NFIB: variants seen among roughly 807,000 people sequenced by gnomAD.
The protein encoded by NFIB is nuclear factor 1 B-type.
In NFIB, 11 loss-of-function variants were observed where a neutral mutation model predicts 61.5. The observed-to-expected ratio is 0.18, with a 90% confidence interval of 0.11 to 0.30. The LOEUF (loss-of-function observed/expected upper bound fraction) is 0.30. Among genes scored for constraint, NFIB ranks in the 10% least tolerant of loss-of-function variants. The pLI, the probability that NFIB is intolerant of heterozygous loss-of-function variation, is 1.00. For missense variants in NFIB, 471 were observed against 608.9 expected, an observed-to-expected ratio of 0.77 and a Z score of 2.38; for synonymous variants, 260 against 216.5, an observed-to-expected ratio of 1.20 and a Z score of -1.76.
In NFIB at chr9:14,397,580, C is replaced by G. The variant is rs369997498; in HGVS notation, c.108+944G>C. Among the ~76,000 whole-genome samples the G allele has an allele frequency of 7.9e-5, 12 of 152,292 alleles. No individual in the cohort carries two copies. The South Asian group carries it at 2.1e-3, about 26-fold the overall frequency. On this transcript the variant is annotated intron_variant, in intron 1 of 8. Transcript: ENST00000380934. Reference sequence around the variant, plus strand: ...TCACAAGTCTTTATCTGGCCCAAAACTAAGGACCCAGGGTCATTTTAAGAA... The same window carrying G: ...TCACAAGTCTTTATCTGGCCCAAAAGTAAGGACCCAGGGTCATTTTAAGAA...
At chr9:14,179,667 C>G (rs1431799671) in intron 3 of NFIB, 60 bp downstream of exon 3, 1 of 1,580,390 alleles carries the variant, frequency 6.3e-7, no homozygotes, top group Non-Finnish European at 8.7e-7. Flanking sequence ...TTTATCTATA[C>G]AGTGGTACCT....
At chr9:14,203,651 G>C (rs1040005779) in intron 2 of NFIB, among the ~76,000 whole-genome samples, 5 of 152,162 alleles carry the variant, frequency 3.3e-5, no homozygotes, top group African/African-American at 1.2e-4. Context: ...GCCTCACCAA[G>C]GGCAAAGGCC....
the NFIB span, among the ~76,000 whole-genome samples, chr9:14,424,182 G>A: frequency 6.6e-6 from 1 of 152,134 alleles, no homozygotes; most frequent in Admixed American, 6.5e-5. Flanking sequence ...TAAAGAAGGG[G>A]CCTAGATGGG....
intron 3 of NFIB, 49 bp downstream of exon 3, chr9:14,179,678 T>C (rs772115888): frequency 3.7e-6 from 6 of 1,603,364 alleles, no homozygotes; most frequent in African/African-American, 1.3e-5. Context: ...AGTGGTACCT[T>C]TGTTCTCCAA....
rs2307079 is a variant in NFIB at position 14,120,804 on chromosome 9, G to A, written c.1061-180C>T. On this transcript the variant is annotated intron_variant, in intron 7 of 10. Coordinates refer to ENST00000380953, the MANE Select transcript of NFIB (RefSeq NM_001190737.2). The surrounding 1 kb of genome is among the most constrained non-coding windows in gnomAD (Gnocchi z 4.4). ...TCATTTTTATTCTCAACACCAGTACGGCTAACTACACAGAGATAAAACATC... is the reference window on the plus strand; with the variant it reads ...TCATTTTTATTCTCAACACCAGTACAGCTAACTACACAGAGATAAAACATC... Among the ~76,000 whole-genome samples, 1 of 151,768 alleles carries A rather than the reference G, an allele frequency of 6.6e-6. No individual in the cohort carries two copies. The highest frequency in any genetic ancestry group is 1.5e-5 in the Non-Finnish European group (1 of 67,970).
intron 1 of NFIB, among the ~76,000 whole-genome samples, chr9:14,311,394 C>T (rs1183382579): frequency 2.0e-5 from 3 of 152,140 alleles, no homozygotes; most frequent in African/African-American, 7.2e-5. Context: ...TGTGGCCTCA[C>T]TTTTATAACA....
upstream of NFIB, among the ~76,000 whole-genome samples, chr9:14,317,820 C>A (rs911261874): frequency 6.6e-6 from 1 of 152,186 alleles, no homozygotes; most frequent in Non-Finnish European, 1.5e-5. Context: ...TTGTCCACCA[C>A]CTTTGGTTTG....
intron 2 of NFIB, among the ~76,000 whole-genome samples, chr9:14,212,359 T>G (rs573136163): frequency 1.3e-5 from 2 of 152,228 alleles, no homozygotes; most frequent in Non-Finnish European, 2.9e-5. Flanking sequence ...ATACAAATGA[T>G]TATATACTCA....
intron 1 of NFIB, among the ~76,000 whole-genome samples, chr9:14,374,809 C>T (rs1254303836): frequency 6.6e-6 from 1 of 152,172 alleles, no homozygotes; most frequent in Middle Eastern, 3.4e-3. Flanking sequence ...ACTCAGGAAG[C>T]TGAGGCAGGA....
intron 6 of NFIB, among the ~76,000 whole-genome samples, chr9:14,130,917 G>C (rs1256800284): frequency 6.6e-6 from 1 of 152,162 alleles, no homozygotes; most frequent in African/African-American, 2.4e-5. Context: ...CAATCACTGA[G>C]ATTCTAGTAA....
intron 2 of NFIB, among the ~76,000 whole-genome samples, chr9:14,249,371 A>G (rs570892963): frequency 6.6e-6 from 1 of 152,330 alleles, no homozygotes; most frequent in African/African-American, 2.4e-5. Context: ...ACCAAGAAAT[A>G]GTATTACTCG....
chr9:14,295,351 C>T (rs766635303), intron 2 of NFIB, among the ~76,000 whole-genome samples: 9 of 152,084 alleles, frequency 5.9e-5, no homozygotes, highest in Non-Finnish European at 1.3e-4. Context: ...GTTGGCCGGG[C>T]GCGGTGGCTC....
the NFIB span, among the ~76,000 whole-genome samples, chr9:14,450,655 C>T: frequency 5.3e-5 from 8 of 152,282 alleles, no homozygotes; most frequent in African/African-American, 1.4e-4. Flanking sequence ...CCCCTCCCCC[C>T]GCACCACAAA....
chr9:14,254,302 AAAAACAAAAC>A (rs376272253), intron 2 of NFIB, among the ~76,000 whole-genome samples: 6 of 148,748 alleles, frequency 4.0e-5, no homozygotes, highest in African/African-American at 1.3e-4. Context: ...CTGTCTCAAA[AAAAACAAAAC>A]AAAACAAAAC....
chr9:14,434,983 A>G, the NFIB span, among the ~76,000 whole-genome samples: 1 of 152,332 alleles, frequency 6.6e-6, no homozygotes, highest in Admixed American at 6.5e-5. Context: ...GAAGGAGGAT[A>G]TCTCTGAAGA....
chr9:14,419,781 C>T, the NFIB span, among the ~76,000 whole-genome samples: 6 of 152,216 alleles, frequency 3.9e-5, no homozygotes, highest in East Asian at 7.7e-4. Context: ...ATCGGTATGT[C>T]TGGCTGGCAT....
At chr9:14,110,335 AG>A (rs1347338756) in intron 10 of NFIB, among the ~76,000 whole-genome samples, 1 of 152,098 alleles carries the variant, frequency 6.6e-6, no homozygotes, top group Non-Finnish European at 1.5e-5. Context: ...ATCTTTATAA[AG>A]CAGCCACCAT....
intron 1 of NFIB, among the ~76,000 whole-genome samples, chr9:14,364,345 C>G (rs73419627): frequency 1.1e-3 from 170 of 152,256 alleles, no homozygotes; most frequent in African/African-American, 3.9e-3. Flanking sequence ...AAAGTCTCTC[C>G]CTTTCCTTGA....
chr9:14,440,823 C>T, the NFIB span, among the ~76,000 whole-genome samples: 359 of 152,246 alleles, frequency 2.4e-3, no homozygotes, highest in Non-Finnish European at 4.1e-3. Flanking sequence ...ATTCATTTAT[C>T]CCCCTTTGCC....
Sources: allele counts gnomAD v4.1 joint callset (sites outside exome capture counted in the v4.1 genomes callset), GRCh38; gene constraint gnomAD v4.1.1; non-coding constraint Gnocchi (gnomAD v3.1); transcripts MANE v1.5; gene names NCBI Gene and HGNC (gene_info 2026-07-23, HGNC 2026-07-21).